Variants in TRIO observed in about 807,000 individuals in gnomAD.
TRIO encodes the protein triple functional domain protein.
A neutral mutation model predicts 351.9 loss-of-function variants in TRIO; 58 were observed. The ratio of observed to expected loss-of-function variants is 0.16; its 90% confidence interval spans 0.13 to 0.21. The LOEUF is 0.21. Among genes scored for constraint, TRIO ranks in the 10% least tolerant of loss-of-function variants. The pLI is 1.00. For missense variants in TRIO, 3,201 were observed against 4,027.8 expected, an observed-to-expected ratio of 0.79 and a Z score of 5.56; for synonymous variants, 1,758 against 1,595.7, an observed-to-expected ratio of 1.10 and a Z score of -2.42.
At chr5:14,475,512 C>T (rs965741598) in intron 40 of TRIO, among the ~76,000 whole-genome samples, 19 of 152,224 alleles carry the variant, frequency 1.2e-4, no homozygotes, top group Non-Finnish European at 2.1e-4. Flanking sequence ...TATTTCTGTG[C>T]TTCTCCCTCC....
intron 1 of TRIO, among the ~76,000 whole-genome samples, chr5:14,144,723 G>A (rs1238054185): frequency 6.6e-5 from 10 of 152,080 alleles, no homozygotes; most frequent in East Asian, 3.9e-4. Flanking sequence ...CGGTCCGCGG[G>A]AGGGGCACCG....
chr5:14,258,303 C>T (rs1389619909), intron 1 of TRIO, among the ~76,000 whole-genome samples: 1 of 152,200 alleles, frequency 6.6e-6, no homozygotes, highest in Non-Finnish European at 1.5e-5. Context: ...ATCCCAGCTC[C>T]TGGGGCAGCA....
chr5:14,336,764 G>T, intron 11 of TRIO, 37 bp downstream of exon 11: 1 of 1,608,934 alleles, frequency 6.2e-7, no homozygotes, highest in Non-Finnish European at 8.5e-7. Flanking sequence ...ATCTGTGCTT[G>T]AAAGGGTCTT....
chr5:14,319,280 A>G (rs1218552131), intron 9 of TRIO, among the ~76,000 whole-genome samples: 2 of 152,198 alleles, frequency 1.3e-5, no homozygotes, highest in Non-Finnish European at 2.9e-5. Flanking sequence ...ATGATCTGGA[A>G]TGGTCTGGAC....
chr5:14,443,113 T>G (rs1051023812), intron 34 of TRIO, among the ~76,000 whole-genome samples: 2 of 152,202 alleles, frequency 1.3e-5, no homozygotes, highest in African/African-American at 4.8e-5. Flanking sequence ...AGGATAATTG[T>G]GCTGTTACAT....
At chr5:14,173,683 A>G (rs1789240691) in intron 1 of TRIO, among the ~76,000 whole-genome samples, 1 of 152,244 alleles carries the variant, frequency 6.6e-6, no homozygotes, top group African/African-American at 2.4e-5. Context: ...CAGTAAGAGC[A>G]GAATCGAAGA....
chr5:14,498,648 C>T lies in TRIO; in HGVS notation c.8332+8C>T, dbSNP rs754719967. On this transcript the variant is annotated splice_region_variant and intron_variant, in intron 53 of 56. Transcript: ENST00000344204. ...CCAGCCTGAGGGTCCTAGGTAAGCA[C>T]CGTGCAACGAGGATTCTACGTGACC... 1 of 1,612,114 alleles carries T rather than the reference C, an allele frequency of 6.2e-7. No homozygotes were observed. The highest frequency in any genetic ancestry group is 8.5e-7 in the Non-Finnish European group (1 of 1,178,242).
chr5:14,457,091 A>G (rs1753368761), intron 34 of TRIO, among the ~76,000 whole-genome samples: 1 of 152,186 alleles, frequency 6.6e-6, no homozygotes, highest in African/African-American at 2.4e-5. Context: ...GTTAAAGAGA[A>G]GGGGTCATTA....
At chr5:14,225,107 C>T (rs1055839313) in intron 1 of TRIO, among the ~76,000 whole-genome samples, 6 of 152,144 alleles carry the variant, frequency 3.9e-5, no homozygotes, top group Non-Finnish European at 5.9e-5. Context: ...AGAGCATAGC[C>T]TTCCCTCAAG....
chr5:14,321,968 G>C (rs757739180), intron 9 of TRIO, among the ~76,000 whole-genome samples: 3 of 152,142 alleles, frequency 2.0e-5, no homozygotes, highest in Non-Finnish European at 4.4e-5. Flanking sequence ...ATGCTGATCT[G>C]TGACTCCATT....
intron 1 of TRIO, among the ~76,000 whole-genome samples, chr5:14,172,687 G>A (rs1461237706): frequency 6.6e-6 from 1 of 152,244 alleles, no homozygotes; most frequent in African/African-American, 2.4e-5. Context: ...GAGGTGGAAG[G>A]CTTTTTCAAG....
rs1447782409 is a variant in TRIO at position 14,471,383 on chromosome 5, C to T, written c.5829C>T (p.Asn1943=). The T allele has an allele frequency of 1.6e-5, 26 of 1,614,058 alleles. No homozygotes were observed. Among genetic ancestry groups the T allele is most frequent in the Non-Finnish European group, 2.2e-5 (26 of 1,180,044 alleles). Residue 1943 remains asparagine, a synonymous_variant, in exon 38 of 57, where the codon AAC becomes AAT. Transcript: ENST00000344204. The part of the protein sequence containing the change: ...DQGDSSSPSF[N]PSDNSLLSSS... ...GAGATAGTAGCAGCCCTTCCTTCAA[C>T]CCTTCGGATAATTCCCTTCTCTCTT...
intron 1 of TRIO, among the ~76,000 whole-genome samples, chr5:14,178,532 G>T (rs1309113633): frequency 3.9e-5 from 6 of 152,228 alleles, no homozygotes; most frequent in Non-Finnish European, 8.8e-5. Context: ...TCTAAACAGA[G>T]ATGGTGTTGA....
At position 14,403,399 on chromosome 5, in the gene TRIO, TGTGATGAGGGTGTAGGTTGTG is replaced by T. The variant is rs1275872304; in HGVS notation, c.4716+2340_4716+2360del. 2.6e-3 allele frequency among the ~76,000 whole-genome samples: 104 copies of T among 40,746 alleles called. 3 individuals carry two copies. The highest frequency in any genetic ancestry group is 7.6e-3 in the African/African-American group (48 of 6,296). 26.7% of individuals were successfully genotyped at this position (40,746 alleles called of 152,430 possible). On this transcript the variant is annotated intron_variant, in intron 31 of 56. Coordinates refer to ENST00000344204, the MANE Select transcript of TRIO (RefSeq NM_007118.4). ...GGGTGTAGGTTGTGAGGGTGTAGGT[TGTGATGAGGGTGTAGGTTGTG>T]GTGAGGGTGTAGGTTGTGGTGAGGG...
Position 14,373,198 on chromosome 5 carries a change from C to T in TRIO, c.3217-1031C>T, listed in dbSNP as rs1278008377. On this transcript the variant is annotated intron_variant, in intron 18 of 56. Coordinates refer to ENST00000344204, the MANE Select transcript of TRIO (RefSeq NM_007118.4). ...CCGCTGACATGTGGAGATTACAATTCGGATTACAATTCAAGATGACATTTG... is the reference window on the plus strand; with the variant it reads ...CCGCTGACATGTGGAGATTACAATTTGGATTACAATTCAAGATGACATTTG... Among the ~76,000 whole-genome samples, 9 of 152,272 alleles carry T rather than the reference C, an allele frequency of 5.9e-5. No individual in the cohort carries two copies. The South Asian group carries it at 8.3e-4, about 14-fold the overall frequency.
chr5:14,412,531 A>C (rs558766460), intron 33 of TRIO, among the ~76,000 whole-genome samples: 1 of 152,070 alleles, frequency 6.6e-6, no homozygotes, highest in African/African-American at 2.4e-5. Flanking sequence ...TTCTGCCTCT[A>C]TTCACCACAT....
chr5:14,392,404 C>T (rs77218688), intron 27 of TRIO, among the ~76,000 whole-genome samples: 15,750 of 152,122 alleles, frequency 0.1, 1,313 homozygotes, highest in African/African-American at 0.24. Flanking sequence ...GTTAGAATGG[C>T]GATCATTAAA....
chr5:14,244,690 G>C (rs1056899151), intron 1 of TRIO, among the ~76,000 whole-genome samples: 1 of 152,196 alleles, frequency 6.6e-6, no homozygotes, highest in Non-Finnish European at 1.5e-5. Context: ...GACCATGTTT[G>C]ACTCCTCACC....
At chr5:14,146,464 T>C (rs927806105) in intron 1 of TRIO, among the ~76,000 whole-genome samples, 4 of 152,226 alleles carry the variant, frequency 2.6e-5, no homozygotes, top group African/African-American at 9.6e-5. Flanking sequence ...TTTTTTTAAA[T>C]TCGTTCTTGT....
Sources: allele counts gnomAD v4.1 joint callset (sites outside exome capture counted in the v4.1 genomes callset), GRCh38; gene constraint gnomAD v4.1.1; transcripts MANE v1.5; gene names NCBI Gene and HGNC (gene_info 2026-07-23, HGNC 2026-07-21).